The following SNCAIP variants were observed in gnomAD, a reference collection of about 807,000 sequenced individuals.
SNCAIP encodes synuclein alpha interacting protein.
A neutral mutation model predicts 86.7 loss-of-function variants in SNCAIP; 43 were observed. The ratio of observed to expected loss-of-function variants is 0.50; its 90% CI spans 0.39 to 0.64. The LOEUF (loss-of-function observed/expected upper bound fraction) is 0.64. Ranked by LOEUF, SNCAIP falls within the 30% of genes least tolerant of loss-of-function variation. The pLI is 0.00. For synonymous variants in SNCAIP, 417 were observed against 427.2 expected, an observed-to-expected ratio of 0.98 and a Z score of 0.29; for missense variants, 981 against 1,103.1, an observed-to-expected ratio of 0.89 and a Z score of 1.57.
At chr5:122,341,765 A>G (rs1302459474) in intron 1 of SNCAIP, among the ~76,000 whole-genome samples, 4 of 152,128 alleles carry the variant, frequency 2.6e-5, no homozygotes, top group Non-Finnish European at 4.4e-5. Context: ...GGCTCCAACC[A>G]TGTAAAATCC....
At chr5:122,375,930 G>C (rs1264348581) in intron 1 of SNCAIP, among the ~76,000 whole-genome samples, 1 of 152,010 alleles carries the variant, frequency 6.6e-6, no homozygotes, top group African/African-American at 2.4e-5. Context: ...TTAATTAAGT[G>C]CAGATGTAGC....
intron 6 of SNCAIP, among the ~76,000 whole-genome samples, chr5:122,433,526 T>C (rs1379855582): frequency 2.6e-5 from 4 of 152,200 alleles, no homozygotes; most frequent in African/African-American, 9.6e-5. Flanking sequence ...CAATACATTG[T>C]AATATTTGGA....
At chr5:122,354,385 G>A (rs989707834) in intron 1 of SNCAIP, among the ~76,000 whole-genome samples, 1 of 152,166 alleles carries the variant, frequency 6.6e-6, no homozygotes, top group Non-Finnish European at 1.5e-5. Context: ...AAAGCAGAGA[G>A]ATTTCTTGCG....
intron 6 of SNCAIP, 105 bp from the exon 7 acceptor site, chr5:122,440,524 T>C: frequency 9.2e-7 from 1 of 1,081,698 alleles, no homozygotes. Flanking sequence ...ACGGTAAGCA[T>C]GGTTTTACCT....
rs774024370 is a variant in SNCAIP, at chr5:122,423,684, T to C, written c.947T>C (p.Leu316Pro). The change falls in exon 4 of 11, where the codon CTG (leucine) becomes CCG (proline). Residue 316 changes from leucine to proline, a missense_variant. Physicochemically the swap from Leu to Pro is moderately conservative, Grantham distance 98. Coordinates refer to ENST00000261368, the MANE Select transcript of SNCAIP (RefSeq NM_005460.4). Reference protein sequence around the residue: ...SQGPEERSEYLKKVKSILNIV... With the variant: ...SQGPEERSEYPKKVKSILNIV... Reference sequence around the variant, plus strand: ...GGCCCAGAAGAAAGGAGTGAGTATCTGAAAAAAGTGAAAAGCATCTTGAAC... The same window carrying C: ...GGCCCAGAAGAAAGGAGTGAGTATCCGAAAAAAGTGAAAAGCATCTTGAAC... 13 of 1,606,314 alleles carry C rather than the reference T, an allele frequency of 8.1e-6. No homozygotes were observed. Among genetic ancestry groups the C allele is most frequent in the South Asian group, 3.3e-5 (3 of 90,900 alleles).
chr5:122,448,581 TTTATATATATTTTTATATATA>T (rs555977074), intron 8 of SNCAIP, among the ~76,000 whole-genome samples: 51 of 142,420 alleles, frequency 3.6e-4, no homozygotes, highest in African/African-American at 6.4e-4. Flanking sequence ...CCTTCCATAT[TTTATATATATTTTTATATATA>T]TTATATATAT....
At chr5:122,462,009 A>C (rs1404382548) in intron 10 of SNCAIP, among the ~76,000 whole-genome samples, 1 of 152,218 alleles carries the variant, frequency 6.6e-6, no homozygotes, top group Non-Finnish European at 1.5e-5. Context: ...AAATTTTTGC[A>C]GTCAAATACA....
chr5:122,356,998 C>T (rs186439486), intron 1 of SNCAIP, among the ~76,000 whole-genome samples: 1 of 152,244 alleles, frequency 6.6e-6, no homozygotes, highest in East Asian at 1.9e-4. Context: ...AAATTCCAAA[C>T]TCCTTTCCAT....
In SNCAIP at chr5:122,340,454, G is replaced by GA. The variant is rs144226461; in HGVS notation, c.-47+28176dup. On this transcript the variant is annotated intron_variant, in intron 1 of 10. Transcript: ENST00000261368. ...GGAATGGGAATAAGTAGAAGAGAGT[G>GA]AAAAAATAGTCCAATTTCTTCCAAT... 8.3e-3 allele frequency among the ~76,000 whole-genome samples: 1,264 copies of GA among 152,186 alleles called. 11 individuals carry two copies. Among genetic ancestry groups the GA allele is most frequent in the African/African-American group, 0.028 (1,173 of 41,516 alleles).
intron 1 of SNCAIP, among the ~76,000 whole-genome samples, chr5:122,313,478 A>G (rs1681742170): frequency 6.6e-6 from 1 of 152,228 alleles, no homozygotes; most frequent in African/African-American, 2.4e-5. Context: ...TTCAAGCACT[A>G]CTTTCGTTGC....
intron 8 of SNCAIP, among the ~76,000 whole-genome samples, chr5:122,445,284 G>GCA (rs1417502146): frequency 6.6e-6 from 1 of 152,194 alleles, no homozygotes; most frequent in Non-Finnish European, 1.5e-5. Flanking sequence ...TCAGCATGAA[G>GCA]TTACTTAAAA....
intron 1 of SNCAIP, among the ~76,000 whole-genome samples, chr5:122,334,595 C>T (rs1756047185): frequency 6.6e-6 from 1 of 152,148 alleles, no homozygotes; most frequent in Non-Finnish European, 1.5e-5. Flanking sequence ...CAGTGGACGT[C>T]AGGTGGTAAC....
rs142918972 is a variant in SNCAIP at position 122,425,423 on chromosome 5, G to T, written c.1074G>T (p.Ala358=). The change falls in exon 5 of 11, where the codon GCG becomes GCT. Residue 358 remains alanine (A), a synonymous_variant. Transcript: ENST00000261368. ...GAAACAATCTATTACATATTGCGGC[G>T]TCACAGGGACACGCAGAGTGTCTAC... ...ENGNNLLHIA[A]SQGHAECLQH... 2.5e-6 allele frequency: 4 copies of T among 1,613,700 alleles called. No individual in the cohort carries two copies. Among genetic ancestry groups the T allele is most frequent in the Non-Finnish European group, 8.5e-7 (1 of 1,179,742 alleles).
chr5:122,374,974 T>C (rs182238013), intron 1 of SNCAIP, among the ~76,000 whole-genome samples: 235 of 152,236 alleles, frequency 1.5e-3, no homozygotes, highest in African/African-American at 5.4e-3. Context: ...TCATCTATGG[T>C]GGAAGCAGAT....
intron 1 of SNCAIP, among the ~76,000 whole-genome samples, chr5:122,324,394 G>A (rs1753603570): frequency 6.6e-6 from 1 of 152,076 alleles, no homozygotes; most frequent in Non-Finnish European, 1.5e-5. Flanking sequence ...CTTGCCCTGT[G>A]GATAATTATT....
rs562655927 is a variant in SNCAIP at position 122,451,247 on chromosome 5, G to A, written c.2400G>A (p.Lys800=). 2.5e-6 allele frequency: 4 copies of A among 1,614,154 alleles called. No individual in the cohort carries two copies. In the African/African-American group the frequency reaches 4.0e-5, roughly 16 times the overall value. Residue 800 remains lysine, a synonymous_variant, in exon 10 of 11, where the codon AAG becomes AAA. Transcript: ENST00000261368. The part of the protein sequence containing the change: ...KVATSPKSAL[K]SPSSKRRTSQ... ...CCACAAGTCCCAAGAGTGCCCTCAAGTCTCCATCTTCCAAGCGTAGGACAT... is the reference window on the plus strand; with the variant it reads ...CCACAAGTCCCAAGAGTGCCCTCAAATCTCCATCTTCCAAGCGTAGGACAT...
Position 122,391,210 on chromosome 5 carries a change from A to C in SNCAIP, c.57+19A>C. 1 of 1,553,588 alleles carries C rather than the reference A, an allele frequency of 6.4e-7. No individual in the cohort carries two copies. Among genetic ancestry groups the C allele is most frequent in the East Asian group, 2.2e-5 (1 of 44,576 alleles). ...CATATCTGTAAGTACCACTGTATACAAGAAATGCTTTCAAGATAATCTGCC... is the reference window on the plus strand; with the variant it reads ...CATATCTGTAAGTACCACTGTATACCAGAAATGCTTTCAAGATAATCTGCC... On this transcript the variant is annotated intron_variant, in intron 2 of 10. Transcript: ENST00000261368.
chr5:122,387,962 G>A (rs1768554838), intron 1 of SNCAIP, among the ~76,000 whole-genome samples: 1 of 152,200 alleles, frequency 6.6e-6, no homozygotes, highest in Admixed American at 6.5e-5. Flanking sequence ...TTGGCAGGAG[G>A]CACCAATACA....
At chr5:122,382,660 C>A (rs1210285559) in intron 1 of SNCAIP, among the ~76,000 whole-genome samples, 1 of 151,926 alleles carries the variant, frequency 6.6e-6, no homozygotes, top group Non-Finnish European at 1.5e-5. Context: ...TGTTTTTTCC[C>A]CATCTTTGTG....
Sources: gnomAD v4.1 joint callset for allele counts (sites outside exome capture counted in the v4.1 genomes callset) on GRCh38, gnomAD v4.1.1 for gene constraint, MANE v1.5 for transcripts, NCBI Gene and HGNC (gene_info 2026-07-23, HGNC 2026-07-21) for gene names.